MASP1: variants seen among roughly 807,000 people sequenced by gnomAD.
MASP1 encodes MBL associated serine protease 1, also known as mannan-binding lectin serine protease 1.
Under a neutral mutation model 77.1 loss-of-function variants are expected in MASP1, and 59 were observed. The observed-to-expected ratio is 0.77, with a 90% CI of 0.62 to 0.95. The LOEUF is 0.95. Among genes scored for constraint, MASP1 ranks in the 40% least tolerant of loss-of-function variants. The pLI, the probability that MASP1 is intolerant of heterozygous loss-of-function variation, is 0.00. For synonymous variants in MASP1, 362 were observed against 354.5 expected (o/e 1.02, Z -0.24); for missense variants, 885 against 912.9 (o/e 0.97, Z 0.39).
intron 2 of MASP1, among the ~76,000 whole-genome samples, chr3:187,283,684 G>A (rs912322284): frequency 1.3e-5 from 2 of 152,308 alleles, no homozygotes; most frequent in Admixed American, 1.3e-4. Flanking sequence ...TGGTTAGCAT[G>A]TTTGAAAGTA....
chr3:187,286,052 G>T lies in MASP1; in HGVS notation c.10C>A (p.Leu4Met). The change falls in exon 2 of 11, where the codon CTG becomes ATG. Residue 4 changes from leucine (L) to methionine (M), a missense_variant. Physicochemically the swap from Leu to Met is conservative, Grantham distance 15 (BLOSUM62 2). Coordinates refer to ENST00000296280, the MANE Select transcript of MASP1 (RefSeq NM_139125.4). MRW[L>M]LLYYALCFSL... is the part of the protein sequence containing the mutation. ...AAGCACAGAGCATAATAGAGAAGCAGCCACCTGAAAGACATGAATGTAGGT... is the reference window on the plus strand; with the variant it reads ...AAGCACAGAGCATAATAGAGAAGCATCCACCTGAAAGACATGAATGTAGGT... 1 of 1,613,450 alleles carries T rather than the reference G, an allele frequency of 6.2e-7. No individual in the cohort carries two copies. Among genetic ancestry groups the T allele is most frequent in the Middle Eastern group, 1.6e-4 (1 of 6,062 alleles).
At chr3:187,247,069 G>A in intron 8 of MASP1, 1 of 1,383,786 alleles carries the variant, frequency 7.2e-7, no homozygotes, top group South Asian at 1.6e-5. Flanking sequence ...AGTCCACTCA[G>A]AGGTGCTAAA....
chr3:187,270,427 C>T (rs1385101047), intron 2 of MASP1, among the ~76,000 whole-genome samples: 1 of 152,170 alleles, frequency 6.6e-6, no homozygotes, highest in African/African-American at 2.4e-5. Context: ...TGGCCTGTCA[C>T]CAGCAAGAAT....
intron 2 of MASP1, among the ~76,000 whole-genome samples, chr3:187,281,561 A>G (rs1717412503): frequency 6.6e-6 from 1 of 152,244 alleles, no homozygotes; most frequent in African/African-American, 2.4e-5. Flanking sequence ...AAGTTCTGTG[A>G]TGACATACCA....
At chr3:187,286,675 A>G (rs1451582840) in intron 1 of MASP1, among the ~76,000 whole-genome samples, 1 of 152,248 alleles carries the variant, frequency 6.6e-6, no homozygotes, top group African/African-American at 2.4e-5. Flanking sequence ...AGGAAAATTC[A>G]ATAAAACTTA....
chr3:187,257,182 G>A (rs914562113), intron 4 of MASP1, among the ~76,000 whole-genome samples: 18 of 152,016 alleles, frequency 1.2e-4, no homozygotes, highest in African/African-American at 3.9e-4. Flanking sequence ...TGGTCAGGGG[G>A]ATGCCTGGAC....
chr3:187,251,047 C>T (rs2108539688), intron 7 of MASP1, among the ~76,000 whole-genome samples: 1 of 152,288 alleles, frequency 6.6e-6, no homozygotes, highest in South Asian at 2.1e-4. Flanking sequence ...CAACCTCTGC[C>T]TCCTGGATTC....
At chr3:187,220,695 G>T (rs1712006791) in intron 15 of MASP1, among the ~76,000 whole-genome samples, 1 of 151,634 alleles carries the variant, frequency 6.6e-6, no homozygotes, top group African/African-American at 2.4e-5. Context: ...ATGGGATTTC[G>T]CCATGTTAGC....
At position 187,286,007 on chromosome 3, in the gene MASP1, C is replaced by T. The variant is rs1717823388; in HGVS notation, c.55G>A (p.Ala19Thr). The T allele has an allele frequency of 1.9e-6, 3 of 1,614,086 alleles. No homozygotes were observed. In the African/African-American group the frequency reaches 4.0e-5, roughly 22 times the overall value. ...ALCFSLSKAS[A>T]HTVELNNMFG... ...ATATTGTTTAGCTCCACGGTGTGGG[C>T]TGAAGCCTTTGACAGGGAGAAGCAC... Residue 19 changes from alanine (A) to threonine (T), a missense_variant, in exon 2 of 11, where the codon GCC (alanine) becomes ACC (threonine). Ala to Thr is a moderately conservative substitution (Grantham distance 58). Transcript: ENST00000296280.
chr3:187,289,296 C>T (rs757959441), intron 1 of MASP1, among the ~76,000 whole-genome samples: 2 of 152,144 alleles, frequency 1.3e-5, no homozygotes, highest in Non-Finnish European at 2.9e-5. Flanking sequence ...TGTTTCAACC[C>T]ACTCCACACC....
intron 12 of MASP1, chr3:187,226,101 G>C: frequency 4.8e-6 from 2 of 412,562 alleles, no homozygotes; most frequent in South Asian, 4.3e-5. Flanking sequence ...AATCTGGATC[G>C]TATATGTATG....
In MASP1 at chr3:187,241,517, T is replaced by C. The variant is rs138812269; in HGVS notation, c.1267A>G (p.Lys423Glu). ...TCSAQGVWMN[K>E]VLGRSLPTCL... ...GTGGGTAGGCTTCTCCCCAATACTT[T>C]ATTCATCCAGACTCCTTGGGCAGAA... Residue 423 changes from lysine to glutamate, a missense_variant, in exon 10 of 11, where the codon AAA becomes GAA. Transcript: ENST00000296280. 3.3e-5 allele frequency: 53 copies of C among 1,613,858 alleles called. No individual in the cohort carries two copies. The Middle Eastern group carries it at 8.3e-4, about 25-fold the overall frequency.
At chr3:187,269,771 T>C (rs938891227) in intron 2 of MASP1, among the ~76,000 whole-genome samples, 137 of 152,356 alleles carry the variant, frequency 9.0e-4, no homozygotes, top group African/African-American at 3.2e-3. Flanking sequence ...ATCTTATTCT[T>C]CTCTCACCAA....
intron 2 of MASP1, among the ~76,000 whole-genome samples, chr3:187,275,253 G>A (rs1332233998): frequency 6.6e-6 from 1 of 152,200 alleles, no homozygotes; most frequent in Non-Finnish European, 1.5e-5. Context: ...GTGGGTGAAG[G>A]CAGTGATGAG....
At chr3:187,268,262 A>C (rs1400245955) in intron 2 of MASP1, among the ~76,000 whole-genome samples, 1 of 152,164 alleles carries the variant, frequency 6.6e-6, no homozygotes, top group Non-Finnish European at 1.5e-5. Flanking sequence ...TGAGAGGATC[A>C]CTTGAGCCCA....
In MASP1 at chr3:187,262,637, G is replaced by T; in HGVS notation, c.321C>A (p.Val107=). 1 of 1,614,074 alleles carries T rather than the reference G, an allele frequency of 6.2e-7. No homozygotes were observed. The highest frequency in any genetic ancestry group is 8.5e-7 in the Non-Finnish European group (1 of 1,179,984). The change falls in exon 3 of 11, where the codon GTC becomes GTA. Residue 107 remains valine, a synonymous_variant. Coordinates refer to ENST00000296280, the MANE Select transcript of MASP1 (RefSeq NM_139125.4). ...DTEQTPGQEV[V]LSPGSFMSIT... ...TGGACATGAAGGAGCCAGGGGAGAG[G>T]ACCACCTCCTGGCCGGGAGTCTGCT... is the stretch of plus-strand genomic sequence containing the variant.
At position 187,234,118 on chromosome 3, in the gene MASP1, C is replaced by A. The variant is rs1003577889; in HGVS notation, c.*1566G>T. On this transcript the variant is annotated 3_prime_UTR_variant, in exon 11 of 11. Transcript: ENST00000296280. ...CACGAGGGTTTATTTCCACTTGAGA[C>A]CCCTGATGGGAGCAACAATGCAGAG... is the stretch of plus-strand genomic sequence containing the variant. 82 of 1,284,672 alleles carry A rather than the reference C, an allele frequency of 6.4e-5. No homozygotes were observed. Among genetic ancestry groups the A allele is most frequent in the South Asian group, 1.4e-4 (11 of 80,738 alleles). The allele number at this position is 1,284,672 out of a possible 1,614,324, so 79.6% of individuals were successfully genotyped here.
chr3:187,235,836 C>T lies in MASP1; in HGVS notation c.2035G>A (p.Val679Met). The T allele has an allele frequency of 6.2e-7, 1 of 1,614,242 alleles. No individual in the cohort carries two copies. Among genetic ancestry groups the T allele is most frequent in the South Asian group, 1.1e-5 (1 of 91,086 alleles). The stretch of plus-strand genomic sequence containing the variant: ...CCCCAGGACACCAGGCCTTGCACCA[C>T]CCAGCGCTGGCTCAAGTCATCAAAG... ...VIFDDLSQRW[V>M]VQGLVSWGGP... The change falls in exon 11 of 11, where the codon GTG becomes ATG. Residue 679 changes from valine to methionine, a missense_variant. By Grantham distance (21) the Val-to-Met change is conservative (BLOSUM62 1). Transcript: ENST00000296280.
downstream of MASP1, among the ~76,000 whole-genome samples, chr3:187,231,392 T>C (rs2108507936): frequency 6.6e-6 from 1 of 152,338 alleles, no homozygotes; most frequent in East Asian, 1.9e-4. Context: ...TCCTCCCTTC[T>C]ATAGTAAAGC....
Sources: allele counts gnomAD v4.1 joint callset (sites outside exome capture counted in the v4.1 genomes callset), GRCh38; gene constraint gnomAD v4.1.1; transcripts MANE v1.5; gene names NCBI Gene and HGNC (gene_info 2026-07-23, HGNC 2026-07-21).